CDC14A: variants seen among roughly 807,000 people sequenced by gnomAD.
CDC14A encodes the protein cell division cycle 14A, also known as dual specificity protein phosphatase CDC14A.
A neutral mutation model predicts 74.4 loss-of-function variants in CDC14A; 53 were observed. The observed-to-expected ratio is 0.71, with a 90% CI of 0.57 to 0.89. The LOEUF (loss-of-function observed/expected upper bound fraction) is 0.89, where lower values mean the gene tolerates loss of function less well. CDC14A is among the 40% of genes least tolerant of loss of function. CDC14A has a pLI of 0.00. For missense variants in CDC14A, 646 were observed against 713.7 expected, an observed-to-expected ratio of 0.91 and a Z score of 1.08; for synonymous variants, 247 against 258.4, an observed-to-expected ratio of 0.96 and a Z score of 0.43.
intron 9 of CDC14A, among the ~76,000 whole-genome samples, chr1:100,465,157 A>C (rs1667675294): frequency 6.6e-6 from 1 of 151,946 alleles, no homozygotes; most frequent in Non-Finnish European, 1.5e-5. Flanking sequence ...TCCTAACCTC[A>C]GGAGAATGTT....
chr1:100,427,808 T>G (rs988104960), intron 5 of CDC14A, among the ~76,000 whole-genome samples: 1 of 152,162 alleles, frequency 6.6e-6, no homozygotes, highest in East Asian at 1.9e-4. Context: ...TGTATACATG[T>G]ATAGGTGTGT....
At chr1:100,438,683 A>G (rs760367082) in intron 5 of CDC14A, among the ~76,000 whole-genome samples, 1 of 152,206 alleles carries the variant, frequency 6.6e-6, no homozygotes, top group Non-Finnish European at 1.5e-5. Context: ...GCATTCTGTT[A>G]AGTTGCTTTG....
intron 10 of CDC14A, among the ~76,000 whole-genome samples, chr1:100,481,605 G>T (rs777655022): frequency 1.4e-4 from 22 of 152,128 alleles, no homozygotes; most frequent in Admixed American, 6.5e-5. Context: ...TATGTCCCAT[G>T]CCTGGCTAGC....
chr1:100,471,785 A>G (rs996499614), intron 10 of CDC14A, among the ~76,000 whole-genome samples: 1 of 152,150 alleles, frequency 6.6e-6, no homozygotes, highest in Non-Finnish European at 1.5e-5. Context: ...CTGGATATCT[A>G]TATGGGGAAA....
At chr1:100,420,788 T>G (rs1360264299) in intron 4 of CDC14A, among the ~76,000 whole-genome samples, 1 of 152,126 alleles carries the variant, frequency 6.6e-6, no homozygotes, top group Non-Finnish European at 1.5e-5. Context: ...GTAAACAATA[T>G]AAATTGTGCT....
chr1:100,494,925 AT>A lies in CDC14A; in HGVS notation c.1248del (p.Phe416LeufsTer19). On this transcript the variant is annotated frameshift_variant, in exon 12 of 16. Transcript: ENST00000336454. LOFTEE classifies it high-confidence loss of function. ...AGCCACGTACCTCACCATCCTGTGC[AT>A]TTAGGTAGATCTGTTTTAAACACTT... is the stretch of plus-strand genomic sequence containing the variant. ...RQPRTSPSCA[F>X]RSDDTKGHPR... 1 of 1,565,544 alleles carries A rather than the reference AT, an allele frequency of 6.4e-7. No individual in the cohort carries two copies. Among genetic ancestry groups the A allele is most frequent in the Non-Finnish European group, 8.8e-7 (1 of 1,136,460 alleles).
intron 2 of CDC14A, among the ~76,000 whole-genome samples, chr1:100,355,820 T>C (rs192522163): frequency 6.6e-6 from 1 of 152,210 alleles, no homozygotes; most frequent in Non-Finnish European, 1.5e-5. Context: ...TCCAAGCCTG[T>C]AGGGAAAATA....
Position 100,518,420 on chromosome 1 carries a change from A to T in CDC14A, c.*140A>T, listed in dbSNP as rs1650417401. The T allele has an allele frequency of 4.5e-6, 3 of 670,846 alleles. No homozygotes were observed. Among genetic ancestry groups the T allele is most frequent in the African/African-American group, 1.8e-5 (1 of 54,932 alleles). The allele number at this position is 670,846 out of a possible 1,614,324, so 41.6% of individuals were successfully genotyped here. ...TTAAATTAAAAAGAGCACTAAGATA[A>T]CACCTTCAAGAGACTTGAAAACAGA... is the stretch of plus-strand genomic sequence containing the variant. On this transcript the variant is annotated 3_prime_UTR_variant, in exon 16 of 16. Coordinates refer to ENST00000336454, the MANE Select transcript of CDC14A (RefSeq NM_003672.4).
At position 100,420,031 on chromosome 1, in the gene CDC14A, T is replaced by TACACAC. The variant is rs368385925; in HGVS notation, c.310-4163_310-4158dup. ...ATATATACATATATATATACATATA[T>TACACAC]ACACACACACACACACACACACACA... On this transcript the variant is annotated intron_variant, in intron 4 of 15. Coordinates refer to ENST00000336454, the MANE Select transcript of CDC14A (RefSeq NM_003672.4). 8.9e-4 allele frequency among the ~76,000 whole-genome samples: 74 copies of TACACAC among 82,890 alleles called. 1 individual carries two copies. Among genetic ancestry groups the TACACAC allele is most frequent in the Admixed American group, 1.6e-3 (11 of 7,034 alleles). The allele number at this position is 82,890 out of a possible 152,430, so 54.4% of individuals were successfully genotyped here.
At chr1:100,394,809 C>G (rs1474106524) in intron 4 of CDC14A, among the ~76,000 whole-genome samples, 1 of 152,164 alleles carries the variant, frequency 6.6e-6, no homozygotes, top group Non-Finnish European at 1.5e-5. Context: ...GGCAGTGGAT[C>G]CTTAAAGAGA....
chr1:100,478,825 A>G (rs17122632), intron 10 of CDC14A, among the ~76,000 whole-genome samples: 8,209 of 152,216 alleles, frequency 0.054, 742 homozygotes, highest in African/African-American at 0.19. Context: ...CAGAATTCTA[A>G]CTTTGTTGCA....
chr1:100,440,250 G>A (rs534379722), intron 6 of CDC14A, among the ~76,000 whole-genome samples: 2 of 152,282 alleles, frequency 1.3e-5, no homozygotes, highest in Non-Finnish European at 1.5e-5. Flanking sequence ...ACCACTATCA[G>A]CTGCAGTGCC....
chr1:100,449,468 C>G lies in CDC14A; in HGVS notation c.520-5937C>G, dbSNP rs1349652562. ...CCTTCCTCTCCACCCTTGTCCTTTTCCACTCCCTCCCCATACCCAAATCCA... is the reference window on the plus strand; with the variant it reads ...CCTTCCTCTCCACCCTTGTCCTTTTGCACTCCCTCCCCATACCCAAATCCA... On this transcript the variant is annotated intron_variant, in intron 7 of 15. Coordinates refer to ENST00000336454, the MANE Select transcript of CDC14A (RefSeq NM_003672.4). Among the ~76,000 whole-genome samples the G allele has an allele frequency of 2.0e-5, 3 of 152,148 alleles. No homozygotes were observed. The East Asian group carries it at 5.8e-4, about 29-fold the overall frequency.
intron 10 of CDC14A, among the ~76,000 whole-genome samples, chr1:100,481,789 A>G (rs1669502128): frequency 6.6e-6 from 1 of 152,188 alleles, no homozygotes; most frequent in South Asian, 2.1e-4. Context: ...AATGCACTAT[A>G]TTCTTGGAGA....
intron 15 of CDC14A, among the ~76,000 whole-genome samples, chr1:100,509,383 C>T (rs1306335055): frequency 6.6e-6 from 1 of 152,130 alleles, no homozygotes; most frequent in Admixed American, 6.5e-5. Context: ...CCACTGAATT[C>T]CTTGATTGAG....
intron 15 of CDC14A, among the ~76,000 whole-genome samples, chr1:100,507,469 CT>C (rs1215052091): frequency 0.018 from 2,576 of 145,784 alleles, 62 homozygotes; most frequent in African/African-American, 0.059. Flanking sequence ...CATCATTCTT[CT>C]TTTTTTTTTT....
At chr1:100,443,084 G>T in intron 7 of CDC14A, 88 bp downstream of exon 7, 1 of 849,492 alleles carries the variant, frequency 1.2e-6, no homozygotes. Flanking sequence ...CAAATCGAGT[G>T]GGTGCTAAAT....
At chr1:100,475,707 G>A (rs954509180) in intron 10 of CDC14A, among the ~76,000 whole-genome samples, 39 of 152,134 alleles carry the variant, frequency 2.6e-4, no homozygotes, top group African/African-American at 9.2e-4. Flanking sequence ...GGTCTGCACT[G>A]ACACTGTGAT....
At chr1:100,461,496 T>C (rs1464016098) in intron 8 of CDC14A, among the ~76,000 whole-genome samples, 3 of 152,232 alleles carry the variant, frequency 2.0e-5, no homozygotes, top group Non-Finnish European at 4.4e-5. Flanking sequence ...CTGAGATAAT[T>C]GCACTCAGCT....
Sources: gnomAD v4.1 joint callset for allele counts (sites outside exome capture counted in the v4.1 genomes callset) on GRCh38, gnomAD v4.1.1 for gene constraint, MANE v1.5 for transcripts, NCBI Gene and HGNC (gene_info 2026-07-23, HGNC 2026-07-21) for gene names.